KCNT1: variants seen among roughly 807,000 people sequenced by gnomAD.
KCNT1 encodes potassium channel subfamily T member 1.
In KCNT1, 78 loss-of-function variants were observed where a neutral mutation model predicts 147.8. The ratio of observed to expected loss-of-function variants is 0.53; its 90% confidence interval spans 0.44 to 0.64. The LOEUF (loss-of-function observed/expected upper bound fraction) is 0.64, where lower values mean the gene tolerates loss of function less well. Among genes scored for constraint, KCNT1 ranks in the 30% least tolerant of loss-of-function variants. KCNT1 has a pLI of 0.00. For missense variants in KCNT1, 1,419 were observed against 1,750.3 expected (o/e 0.81, Z 3.38); for synonymous variants, 867 against 748.8 (o/e 1.16, Z -2.58).
At chr9:135,744,951 C>T (rs1830745862) in intron 2 of KCNT1, among the ~76,000 whole-genome samples, 1 of 152,192 alleles carries the variant, frequency 6.6e-6, no homozygotes. Context: ...GAAATGCAGA[C>T]TGGCAGAGGT....
chr9:135,779,355 C>G lies in KCNT1; in HGVS notation c.2730-4C>G. On this transcript the variant is annotated splice_polypyrimidine_tract_variant and splice_region_variant and intron_variant, in intron 23 of 30. Coordinates refer to ENST00000371757, the MANE Select transcript of KCNT1 (RefSeq NM_020822.3). ...CCCCGCCCTGAGCCGCCTGCCTCCC[C>G]CAGGCTCTTCCCCAGCCTCAGCATC... 1 of 1,605,202 alleles carries G rather than the reference C, an allele frequency of 6.2e-7. No individual in the cohort carries two copies. The highest frequency in any genetic ancestry group is 8.5e-7 in the Non-Finnish European group (1 of 1,172,472).
chr9:135,726,664 CCTCT>C (rs1201927931), intron 2 of KCNT1, among the ~76,000 whole-genome samples: 1 of 151,642 alleles, frequency 6.6e-6, no homozygotes, highest in East Asian at 1.9e-4. Flanking sequence ...TCTCTCCCTC[CCTCT>C]ATCTCTCCTT....
chr9:135,711,939 T>G (rs532478109), intron 1 of KCNT1, among the ~76,000 whole-genome samples: 49 of 152,324 alleles, frequency 3.2e-4, no homozygotes, highest in Non-Finnish European at 5.9e-4. Context: ...ACTCTTCCTA[T>G]AAGGGAACAG....
chr9:135,751,023 CG>C lies in KCNT1; in HGVS notation c.418del (p.Ala140ProfsTer35). The C allele has an allele frequency of 6.2e-7, 1 of 1,611,606 alleles. No homozygotes were observed. Among genetic ancestry groups the C allele is most frequent in the Non-Finnish European group, 8.5e-7 (1 of 1,179,788 alleles). On this transcript the variant is annotated frameshift_variant, in exon 4 of 31. Transcript: ENST00000371757. LOFTEE classifies it high-confidence loss of function. Reference protein sequence around the residue: ...LYIVRVLLDDPALGIGCWGCP... With the variant: ...LYIVRVLLDDXALGIGCWGCP... The stretch of plus-strand genomic sequence containing the variant: ...ATTGTGCGCGTCCTGCTCGATGACC[CG>C]GCCCTGGGCATCGGATGGTGGGCCA...
At chr9:135,765,982 C>G (rs1832248267) in intron 13 of KCNT1, among the ~76,000 whole-genome samples, 1 of 151,528 alleles carries the variant, frequency 6.6e-6, no homozygotes, top group Admixed American at 6.6e-5. Flanking sequence ...CAGGGTGGAC[C>G]TTCTGGGATG....
At chr9:135,731,314 A>G (rs1259960132) in intron 2 of KCNT1, among the ~76,000 whole-genome samples, 1 of 152,142 alleles carries the variant, frequency 6.6e-6, no homozygotes, top group African/African-American at 2.4e-5. Context: ...GCGTGTCTTC[A>G]TTTTGGATCA....
intron 29 of KCNT1, among the ~76,000 whole-genome samples, chr9:135,787,197 G>C (rs1834124125): frequency 6.6e-6 from 1 of 152,224 alleles, no homozygotes; most frequent in Non-Finnish European, 1.5e-5. Flanking sequence ...CCGCTTCAGG[G>C]AGCCCGGCGT....
intron 28 of KCNT1, 83 bp from the exon 29 acceptor site, chr9:135,786,114 T>G (rs989152425): frequency 7.7e-7 from 1 of 1,294,896 alleles, no homozygotes; most frequent in Non-Finnish European, 1.1e-6. Flanking sequence ...AGCCCACACC[T>G]CTTCCTAAGC....
Position 135,791,823 on chromosome 9 carries a change from CT to C in KCNT1, c.3530del (p.Leu1177ProfsTer88). ...YDEMNDHQNT[L>X]SYVLINPPPD... is the part of the protein sequence containing the mutation. ...CGAGATGAACGACCACCAGAACACC[CT>C]CTCCTACGTCCTCATCAACCCTCCG... On this transcript the variant is annotated frameshift_variant, in exon 30 of 31. Coordinates refer to ENST00000371757, the MANE Select transcript of KCNT1 (RefSeq NM_020822.3). LOFTEE classifies it high-confidence loss of function. 1 of 1,613,960 alleles carries C rather than the reference CT, an allele frequency of 6.2e-7. No homozygotes were observed. Among genetic ancestry groups the C allele is most frequent in the Non-Finnish European group, 8.5e-7 (1 of 1,179,944 alleles).
intron 12 of KCNT1, 141 bp downstream of exon 12, chr9:135,765,336 C>T (rs549579422): frequency 3.7e-5 from 29 of 785,260 alleles, no homozygotes; most frequent in Admixed American, 5.2e-5. Context: ...GCCTCCCTCC[C>T]GGCGCCCAGA....
intron 24 of KCNT1, among the ~76,000 whole-genome samples, chr9:135,781,571 C>T (rs1050820497): frequency 6.6e-6 from 1 of 151,312 alleles, no homozygotes; most frequent in Non-Finnish European, 1.5e-5. Context: ...ATTTAAAAGA[C>T]ATTAATGCCA....
intron 25 of KCNT1, 21 bp from the exon 26 acceptor site, chr9:135,784,514 C>A: frequency 1.8e-6 from 1 of 568,856 alleles, no homozygotes. Context: ...TCCCTCCCTC[C>A]CTCCCTCCCT....
At position 135,771,104 on chromosome 9, in the gene KCNT1, G is replaced by T. The variant is rs375088109; in HGVS notation, c.2008+9G>T. On this transcript the variant is annotated intron_variant, in intron 18 of 30. Transcript: ENST00000371757. ...CATCATCGCCTCCATGGGTGAGCCG[G>T]GACAGGCGCGCGGGACTCCCTGGGC... 6.9e-6 allele frequency: 11 copies of T among 1,604,952 alleles called. No homozygotes were observed. Among genetic ancestry groups the T allele is most frequent in the East Asian group, 2.2e-5 (1 of 44,612 alleles).
rs56034547 is a variant in KCNT1, at chr9:135,769,143, A to G, written c.1510+206A>G. On this transcript the variant is annotated intron_variant, in intron 15 of 30. Coordinates refer to ENST00000371757, the MANE Select transcript of KCNT1 (RefSeq NM_020822.3). ...TGTCGGTGCGTCTGGGGCAGGGCGC[A>G]TGTGCACACGTGGGTGACGGTGCGT... Among the ~76,000 whole-genome samples the G allele has an allele frequency of 0.28, 11,001 of 39,520 alleles. 1,378 individuals carry two copies. The highest frequency in any genetic ancestry group is 0.33 in the Middle Eastern group (18 of 54). 25.9% of individuals were successfully genotyped at this position (39,520 alleles called of 152,430 possible).
intron 29 of KCNT1, chr9:135,790,310 T>C (rs1834396654): frequency 6.6e-6 from 1 of 152,176 alleles, no homozygotes; most frequent in Admixed American, 6.5e-5. Flanking sequence ...GGGGAGGGTG[T>C]GTCTCCCTGC....
rs1466802384 is a variant in KCNT1 at position 135,714,889 on chromosome 9, G to T, written c.254+169G>T. On this transcript the variant is annotated intron_variant, in intron 2 of 30. Coordinates refer to ENST00000371757, the MANE Select transcript of KCNT1 (RefSeq NM_020822.3). This position sits in a 1 kb window ranked among gnomAD's most constrained non-coding sequence, Gnocchi z 6.2. The stretch of plus-strand genomic sequence containing the variant: ...AGAAGTTTCGGAGGGGGTGCGGGCA[G>T]GGGGAAGCATCTTCTCGGGAGGGGG... Among the ~76,000 whole-genome samples, 4 of 152,194 alleles carry T rather than the reference G, an allele frequency of 2.6e-5. No individual in the cohort carries two copies. Among genetic ancestry groups the T allele is most frequent in the African/African-American group, 9.6e-5 (4 of 41,464 alleles).
rs185399073 is a variant in KCNT1 at position 135,729,666 on chromosome 9, G to A, written c.254+14946G>A. ...CTGCAGAAGTTTCCACCGTCTGCACGTGTCCGGTGGCCTCTCTGTGGGTGG... is the reference window on the plus strand; with the variant it reads ...CTGCAGAAGTTTCCACCGTCTGCACATGTCCGGTGGCCTCTCTGTGGGTGG... On this transcript the variant is annotated intron_variant, in intron 2 of 30. Transcript: ENST00000371757. Among the ~76,000 whole-genome samples the A allele has an allele frequency of 2.0e-3, 300 of 152,336 alleles. 1 individual carries two copies. The highest frequency in any genetic ancestry group is 2.6e-3 in the Admixed American group (40 of 15,302).
At chr9:135,773,874 C>T (rs553300160) in intron 19 of KCNT1, among the ~76,000 whole-genome samples, 1 of 152,336 alleles carries the variant, frequency 6.6e-6, no homozygotes, top group African/African-American at 2.4e-5. Context: ...GGCCAGAGTG[C>T]CTGCCCCACC....
Position 135,765,857 on chromosome 9 carries a change from A to C in KCNT1, c.1337+97A>C. ...GCATTGACCGTCGCTCTCCTGGCCA[A>C]TGAGAGCCATGAGAGCATTATAGAC... is the stretch of plus-strand genomic sequence containing the variant. On this transcript the variant is annotated intron_variant, in intron 13 of 30. Coordinates refer to ENST00000371757, the MANE Select transcript of KCNT1 (RefSeq NM_020822.3). 4 of 1,083,330 alleles carry C rather than the reference A, an allele frequency of 3.7e-6. No individual in the cohort carries two copies. In the South Asian group the frequency reaches 4.7e-5, roughly 13 times the overall value. The allele number at this position is 1,083,330 out of a possible 1,614,324, so 67.1% of individuals were successfully genotyped here.
Sources: gnomAD v4.1 joint callset for allele counts (sites outside exome capture counted in the v4.1 genomes callset) on GRCh38, gnomAD v4.1.1 for gene constraint, Gnocchi (gnomAD v3.1) non-coding constraint, MANE v1.5 for transcripts, NCBI Gene and HGNC (gene_info 2026-07-23, HGNC 2026-07-21) for gene names.